The following TRIO variants were observed in gnomAD, a reference collection of about 807,000 sequenced individuals.
TRIO encodes trio Rho guanine nucleotide exchange factor.
Under a neutral mutation model 351.9 loss-of-function variants are expected in TRIO, and 58 were observed. The ratio of observed to expected loss-of-function variants is 0.16; its 90% confidence interval spans 0.13 to 0.21. The LOEUF (loss-of-function observed/expected upper bound fraction) is 0.21. TRIO is among the 10% of genes least tolerant of loss of function. The probability of loss-of-function intolerance (pLI) is 1.00; values close to 1 mark genes in which losing one functional copy is unlikely to be tolerated. For missense variants in TRIO, 3,201 were observed against 4,027.8 expected (o/e 0.79, Z 5.56); for synonymous variants, 1,758 against 1,595.7 (o/e 1.10, Z -2.42).
At chr5:14,280,112 T>C (rs1735870480) in intron 2 of TRIO, among the ~76,000 whole-genome samples, 1 of 152,222 alleles carries the variant, frequency 6.6e-6, no homozygotes, top group Admixed American at 6.5e-5. Context: ...ATGTAGTACC[T>C]TCCATGTGGC....
intron 1 of TRIO, among the ~76,000 whole-genome samples, chr5:14,189,726 A>C (rs1790343836): frequency 6.7e-6 from 1 of 149,102 alleles, no homozygotes; most frequent in Admixed American, 6.6e-5. Context: ...TCTTCGTTTT[A>C]ACTTTTTTTT....
At chr5:14,168,327 TGAA>T (rs1788896839) in intron 1 of TRIO, among the ~76,000 whole-genome samples, 1 of 152,248 alleles carries the variant, frequency 6.6e-6, no homozygotes, top group African/African-American at 2.4e-5. Context: ...GACATTCACT[TGAA>T]GAAGTTTACC....
intron 54 of TRIO, among the ~76,000 whole-genome samples, chr5:14,503,885 T>A (rs1330038450): frequency 6.6e-6 from 1 of 152,150 alleles, no homozygotes; most frequent in African/African-American, 2.4e-5. Context: ...TCGCGTTGAG[T>A]TGTGGCCAGT....
chr5:14,412,730 A>T (rs541417535), intron 33 of TRIO, among the ~76,000 whole-genome samples: 2 of 152,212 alleles, frequency 1.3e-5, no homozygotes, highest in African/African-American at 4.8e-5. Flanking sequence ...TTTCCACAGG[A>T]TGGTGCTTAT....
At chr5:14,366,534 C>G (rs1744604013) in intron 15 of TRIO, among the ~76,000 whole-genome samples, 1 of 152,186 alleles carries the variant, frequency 6.6e-6, no homozygotes, top group Non-Finnish European at 1.5e-5. Flanking sequence ...TCAGGGAATT[C>G]CTGGTGTCAG....
intron 18 of TRIO, 84 bp from the exon 19 acceptor site, chr5:14,374,145 T>C: frequency 1.1e-6 from 1 of 909,948 alleles, no homozygotes; most frequent in Non-Finnish European, 1.7e-6. Context: ...GGTAAAGACA[T>C]ACGTTAGAGT....
intron 1 of TRIO, among the ~76,000 whole-genome samples, chr5:14,199,208 A>AAAAC (rs1168136665): frequency 1.3e-5 from 2 of 151,200 alleles, no homozygotes; most frequent in Non-Finnish European, 3.0e-5. Flanking sequence ...AAAAAAAAAA[A>AAAAC]AAAAAAAAAA....
chr5:14,297,418 C>G (rs1737458250), intron 7 of TRIO, 155 bp downstream of exon 7: 1 of 857,850 alleles, frequency 1.2e-6, no homozygotes, highest in South Asian at 2.0e-5. Flanking sequence ...AATTCCAGCT[C>G]TTTTAGTCCT....
intron 18 of TRIO, among the ~76,000 whole-genome samples, chr5:14,373,994 C>A (rs1745345214): frequency 6.6e-6 from 1 of 152,178 alleles, no homozygotes; most frequent in African/African-American, 2.4e-5. Flanking sequence ...GTTTCCTGCC[C>A]CATGGGCCTC....
At chr5:14,408,881 A>G (rs982074069) in intron 33 of TRIO, among the ~76,000 whole-genome samples, 14 of 152,132 alleles carry the variant, frequency 9.2e-5, no homozygotes, top group African/African-American at 3.4e-4. Context: ...TTAAAAAAAA[A>G]AAAGTAAATT....
chr5:14,250,768 C>T (rs148800953), intron 1 of TRIO, among the ~76,000 whole-genome samples: 2 of 152,250 alleles, frequency 1.3e-5, no homozygotes, highest in East Asian at 3.9e-4. Context: ...TCTCCGTGGT[C>T]ACCATTGCAT....
intron 34 of TRIO, among the ~76,000 whole-genome samples, chr5:14,425,208 C>T (rs899260932): frequency 2.0e-5 from 3 of 152,174 alleles, no homozygotes; most frequent in Non-Finnish European, 2.9e-5. Flanking sequence ...ACCTCTGTGC[C>T]CATGGAACAA....
At chr5:14,309,317 C>T (rs765320313) in intron 8 of TRIO, among the ~76,000 whole-genome samples, 3 of 152,062 alleles carry the variant, frequency 2.0e-5, no homozygotes, top group Non-Finnish European at 4.4e-5. Context: ...TGTATTTGCT[C>T]CATTTCCCAA....
At chr5:14,375,410 A>G (rs539404101) in intron 19 of TRIO, among the ~76,000 whole-genome samples, 1 of 152,138 alleles carries the variant, frequency 6.6e-6, no homozygotes, top group Non-Finnish European at 1.5e-5. Flanking sequence ...CGCTAGTTTG[A>G]CACACGTTTT....
intron 34 of TRIO, among the ~76,000 whole-genome samples, chr5:14,442,247 G>A (rs181267808): frequency 1.3e-5 from 2 of 152,336 alleles, no homozygotes; most frequent in East Asian, 1.9e-4. Flanking sequence ...GCCGTTATCC[G>A]CGTATATGCT....
At position 14,497,712 on chromosome 5, in the gene TRIO, G is replaced by C. The variant is rs201538139; in HGVS notation, c.8020-135G>C. On this transcript the variant is annotated intron_variant, in intron 50 of 56. Transcript: ENST00000344204. The surrounding 1 kb of genome is among the most constrained non-coding windows in gnomAD (Gnocchi z 4.4). Reference sequence around the variant, plus strand: ...TGAAACTTTTGAGTGCAGTGAAAATGTGGTCTGTTTTGATTGATGCCCAGG... The same window carrying C: ...TGAAACTTTTGAGTGCAGTGAAAATCTGGTCTGTTTTGATTGATGCCCAGG... 5 of 1,113,976 alleles carry C rather than the reference G, an allele frequency of 4.5e-6. No homozygotes were observed. The East Asian group carries it at 1.2e-4, about 26-fold the overall frequency. 69.0% of individuals were successfully genotyped at this position (1,113,976 alleles called of 1,614,324 possible). A position where few individuals can be genotyped will look rare whatever the true frequency, so the allele number is the denominator to read the frequency against.
chr5:14,249,899 A>G (rs972633073), intron 1 of TRIO, among the ~76,000 whole-genome samples: 1 of 152,184 alleles, frequency 6.6e-6, no homozygotes, highest in Non-Finnish European at 1.5e-5. Context: ...ATGAGAATGC[A>G]TGTTCTGCTG....
chr5:14,498,768 G>C (rs867704036), intron 53 of TRIO, 128 bp downstream of exon 53: 1 of 1,423,476 alleles, frequency 7.0e-7, no homozygotes, highest in Middle Eastern at 1.8e-4. Flanking sequence ...CATTTGTGGG[G>C]CTTCAAAAGA....
intron 55 of TRIO, chr5:14,504,796 G>A (rs1304517050): frequency 1.6e-6 from 1 of 643,808 alleles, no homozygotes; most frequent in African/African-American, 1.8e-5. Flanking sequence ...CAGGGCGGTT[G>A]CCTGATGAAG....
Sources: gnomAD v4.1 joint callset for allele counts (sites outside exome capture counted in the v4.1 genomes callset) on GRCh38, gnomAD v4.1.1 for gene constraint, Gnocchi (gnomAD v3.1) non-coding constraint, MANE v1.5 for transcripts, NCBI Gene and HGNC (gene_info 2026-07-23, HGNC 2026-07-21) for gene names.